Variants in PPARGC1A observed in about 807,000 individuals in gnomAD.
The protein encoded by PPARGC1A is PPARG coactivator 1 alpha.
PPARGC1A carries 25 observed loss-of-function variants against 88.7 expected under a neutral mutation model. That is an observed-to-expected ratio of 0.28 (90% CI 0.21 to 0.39). The LOEUF is 0.39. Ranked by LOEUF, PPARGC1A falls within the 10% of genes least tolerant of loss-of-function variation. PPARGC1A has a pLI of 1.00. For missense variants in PPARGC1A, 880 were observed against 968.7 expected (o/e 0.91, Z 1.22); for synonymous variants, 363 against 355.6 (o/e 1.02, Z -0.24).
the PPARGC1A span, among the ~76,000 whole-genome samples, chr4:23,922,486 G>A: frequency 1.3e-5 from 2 of 152,346 alleles, no homozygotes; most frequent in East Asian, 1.9e-4. Context: ...CATGTTTTAA[G>A]AGAGTTGGTT....
At chr4:23,830,467 A>G (rs1445390721) in intron 3 of PPARGC1A, among the ~76,000 whole-genome samples, 1 of 152,246 alleles carries the variant, frequency 6.6e-6, no homozygotes, top group Non-Finnish European at 1.5e-5. Flanking sequence ...GAAAGAAATC[A>G]GGGTACTAGG....
the PPARGC1A span, among the ~76,000 whole-genome samples, chr4:24,175,827 A>C: frequency 1.3e-5 from 2 of 152,100 alleles, no homozygotes; most frequent in African/African-American, 4.8e-5. Flanking sequence ...ACAGAAAAAA[A>C]CATGAAATCC....
the PPARGC1A span, among the ~76,000 whole-genome samples, chr4:23,967,455 A>C: frequency 6.6e-6 from 1 of 152,190 alleles, no homozygotes; most frequent in Admixed American, 6.5e-5. Flanking sequence ...AAGCAGACGC[A>C]TGCAGACAAC....
At chr4:23,978,281 G>A in the PPARGC1A span, among the ~76,000 whole-genome samples, 17 of 152,210 alleles carry the variant, frequency 1.1e-4, no homozygotes, top group South Asian at 2.1e-4. Flanking sequence ...ATTTTAATTC[G>A]TTTTATAGCA....
chr4:23,804,716 C>A (rs1384095794), intron 10 of PPARGC1A, among the ~76,000 whole-genome samples: 1 of 152,156 alleles, frequency 6.6e-6, no homozygotes, highest in African/African-American at 2.4e-5. Context: ...CACTGAGCTT[C>A]TATTAGTCTA....
the PPARGC1A span, among the ~76,000 whole-genome samples, chr4:24,196,790 C>T: frequency 1.3e-5 from 2 of 152,192 alleles, no homozygotes; most frequent in African/African-American, 4.8e-5. Flanking sequence ...CAACTTTGGC[C>T]TCTATTCCTA....
the PPARGC1A span, among the ~76,000 whole-genome samples, chr4:24,005,745 G>A: frequency 6.6e-6 from 1 of 152,114 alleles, no homozygotes; most frequent in Admixed American, 6.5e-5. Flanking sequence ...CATCACTTGG[G>A]CATAGTGACC....
chr4:23,995,376 T>C, the PPARGC1A span, among the ~76,000 whole-genome samples: 5 of 152,170 alleles, frequency 3.3e-5, no homozygotes, highest in Non-Finnish European at 7.3e-5. Flanking sequence ...CAGTTTACAG[T>C]TTCCTCTCTG....
At chr4:23,827,527 G>C (rs896187722) in intron 5 of PPARGC1A, among the ~76,000 whole-genome samples, 10 of 152,050 alleles carry the variant, frequency 6.6e-5, no homozygotes, top group Non-Finnish European at 1.3e-4. Context: ...TAAATCAACT[G>C]CCCATTTCAA....
the PPARGC1A span, among the ~76,000 whole-genome samples, chr4:24,434,886 C>T: frequency 6.6e-6 from 1 of 152,172 alleles, no homozygotes; most frequent in Admixed American, 6.5e-5. Context: ...GACAGCTGCC[C>T]GTACATTTTG....
the PPARGC1A span, among the ~76,000 whole-genome samples, chr4:24,149,650 G>T: frequency 6.6e-6 from 1 of 152,102 alleles, no homozygotes; most frequent in Non-Finnish European, 1.5e-5. Flanking sequence ...TCTTCTAATG[G>T]TCCAATAGAT....
the PPARGC1A span, among the ~76,000 whole-genome samples, chr4:24,304,953 C>T: frequency 1.1e-4 from 16 of 151,836 alleles, no homozygotes; most frequent in African/African-American, 3.1e-4. Context: ...TGGCAAACCC[C>T]GCGCCAGGTA....
chr4:24,289,629 T>C, the PPARGC1A span, among the ~76,000 whole-genome samples: 3 of 152,236 alleles, frequency 2.0e-5, no homozygotes, highest in African/African-American at 4.8e-5. Flanking sequence ...GATTCCTCAA[T>C]ATGAGGAGGA....
chr4:24,427,598 G>A, the PPARGC1A span, among the ~76,000 whole-genome samples: 1 of 152,108 alleles, frequency 6.6e-6, no homozygotes, highest in East Asian at 1.9e-4. Context: ...CCTGCCCAAC[G>A]GTGCTGGATC....
the PPARGC1A span, among the ~76,000 whole-genome samples, chr4:24,052,750 G>A: frequency 1.1e-4 from 17 of 148,764 alleles, no homozygotes; most frequent in East Asian, 3.3e-3. Flanking sequence ...TTTTCTCCCT[G>A]TCTTCTTTAA....
the PPARGC1A span, among the ~76,000 whole-genome samples, chr4:24,053,442 T>G: frequency 6.6e-6 from 1 of 152,096 alleles, no homozygotes. Context: ...AGCACCAGCT[T>G]TGATGACCAC....
At chr4:24,375,963 T>G in the PPARGC1A span, among the ~76,000 whole-genome samples, 1 of 151,884 alleles carries the variant, frequency 6.6e-6, no homozygotes, top group Non-Finnish European at 1.5e-5. Context: ...CTAGTGATAT[T>G]GTGGGTAACA....
chr4:24,230,977 A>C, the PPARGC1A span, among the ~76,000 whole-genome samples: 8 of 151,882 alleles, frequency 5.3e-5, no homozygotes, highest in African/African-American at 1.7e-4. Flanking sequence ...GACGAAGAAG[A>C]AGAAGCAAAG....
chr4:23,856,969 C>A (rs1401199089), intron 2 of PPARGC1A, among the ~76,000 whole-genome samples: 1 of 152,058 alleles, frequency 6.6e-6, no homozygotes, highest in African/African-American at 2.4e-5. Flanking sequence ...CAACAAATTG[C>A]CATTTATTGA....
Sources: gnomAD v4.1 joint callset for allele counts (sites outside exome capture counted in the v4.1 genomes callset) on GRCh38, gnomAD v4.1.1 for gene constraint, MANE v1.5 for transcripts, NCBI Gene and HGNC (gene_info 2026-07-23, HGNC 2026-07-21) for gene names.